MPHOSPH9: variants seen among roughly 807,000 people sequenced by gnomAD.
MPHOSPH9 encodes M-phase phosphoprotein 9.
Under a neutral mutation model 145.5 loss-of-function variants are expected in MPHOSPH9, and 88 were observed. That is an observed-to-expected ratio of 0.60 (90% CI 0.51 to 0.72). The LOEUF is 0.72. Among genes scored for constraint, MPHOSPH9 ranks in the 30% least tolerant of loss-of-function variants. The pLI is 0.00. For missense variants in MPHOSPH9, 1,238 were observed against 1,386.6 expected (o/e 0.89, Z 1.70); for synonymous variants, 435 against 486.2 (o/e 0.89, Z 1.39).
chr12:123,198,848 T>A (rs367857457), intron 11 of MPHOSPH9, among the ~76,000 whole-genome samples: 1 of 150,982 alleles, frequency 6.6e-6, no homozygotes. Context: ...TAAAATAATT[T>A]TTTTAAAAGA....
At position 123,161,269 on chromosome 12, in the gene MPHOSPH9, T is replaced by G. The variant is rs922534493; in HGVS notation, c.3248A>C (p.Lys1083Thr). 7 of 1,614,064 alleles carry G rather than the reference T, an allele frequency of 4.3e-6. No individual in the cohort carries two copies. In the Admixed American group the frequency reaches 6.7e-5, roughly 15 times the overall value. ...CTTACACTGTTCGTAGCTAACTGAT[T>G]TATTCTTCTCCCAGGCTGTTCTCAC... ...VSVRTAWEKN[K>T]SVSYEQCKPV... The change falls in exon 22 of 24, where the codon AAA (lysine) becomes ACA (threonine). Residue 1083 changes from lysine to threonine, a missense_variant. Coordinates refer to ENST00000606320, the MANE Select transcript of MPHOSPH9 (RefSeq NM_022782.4).
Position 123,156,912 on chromosome 12 carries a change from G to A in MPHOSPH9, c.3451-4C>T, listed in dbSNP as rs772938894. 2 of 1,593,876 alleles carry A rather than the reference G, an allele frequency of 1.3e-6. No individual in the cohort carries two copies. The highest frequency in any genetic ancestry group is 1.7e-6 in the Non-Finnish European group (2 of 1,165,412). On this transcript the variant is annotated splice_region_variant and splice_polypyrimidine_tract_variant and intron_variant, in intron 23 of 23. Transcript: ENST00000606320. ...CCAAACGATCTTCCAAGGCTTCCTAGGTGAAAACAATGGGAAAAGTTTAAT... is the reference window on the plus strand; with the variant it reads ...CCAAACGATCTTCCAAGGCTTCCTAAGTGAAAACAATGGGAAAAGTTTAAT...
chr12:123,204,225 C>A (rs534319148), intron 8 of MPHOSPH9, among the ~76,000 whole-genome samples: 1 of 151,784 alleles, frequency 6.6e-6, no homozygotes, highest in Admixed American at 6.6e-5. Flanking sequence ...TCGCTTGAAC[C>A]TGGAAGGCGG....
intron 13 of MPHOSPH9, among the ~76,000 whole-genome samples, chr12:123,190,281 T>C (rs967522420): frequency 6.6e-6 from 1 of 151,456 alleles, no homozygotes; most frequent in African/African-American, 2.4e-5. Context: ...GCCTCCCGAG[T>C]AGCTGGGACT....
chr12:123,203,104 G>A lies in MPHOSPH9; in HGVS notation c.1321-20C>T, dbSNP rs371038166. The A allele has an allele frequency of 4.9e-5, 78 of 1,604,110 alleles. No individual in the cohort carries two copies. In the East Asian group the frequency reaches 1.2e-3, roughly 26 times the overall value. On this transcript the variant is annotated intron_variant, in intron 9 of 23. Transcript: ENST00000606320. ...CAGGACCTGGAAACCAGACAACAACGAAGTCTTACCCTCAGAACTCGGCTT... is the reference window on the plus strand; with the variant it reads ...CAGGACCTGGAAACCAGACAACAACAAAGTCTTACCCTCAGAACTCGGCTT...
intron 8 of MPHOSPH9, among the ~76,000 whole-genome samples, chr12:123,205,439 G>A (rs914360723): frequency 7.2e-5 from 11 of 152,022 alleles, no homozygotes; most frequent in Non-Finnish European, 1.3e-4. Flanking sequence ...CCAGCTACTT[G>A]GGAGGCTGAA....
downstream of MPHOSPH9, among the ~76,000 whole-genome samples, chr12:123,154,055 T>C (rs1252014142): frequency 7.9e-5 from 12 of 152,204 alleles, no homozygotes; most frequent in Non-Finnish European, 8.8e-5. Flanking sequence ...GTTGGAAAAG[T>C]CCTTCAGTTG....
In MPHOSPH9 at chr12:123,221,850, T is replaced by C; in HGVS notation, c.394A>G (p.Ser132Gly). Residue 132 changes from serine (S) to glycine (G), a missense_variant, in exon 5 of 24, where the codon AGT becomes GGT. By Grantham distance (56) the Ser-to-Gly change is moderately conservative. Coordinates refer to ENST00000606320, the MANE Select transcript of MPHOSPH9 (RefSeq NM_022782.4). Reference sequence around the variant, plus strand: ...CCTTCACAGGAAGCTAAGGAAGCACTACTAGTCTGTAATTTGACTAAATTT... The same window carrying C: ...CCTTCACAGGAAGCTAAGGAAGCACCACTAGTCTGTAATTTGACTAAATTT... The part of the protein sequence containing the change: ...IKNLVKLQTS[S>G]ASLASCEGNS... 1 of 1,602,796 alleles carries C rather than the reference T, an allele frequency of 6.2e-7. No homozygotes were observed. Among genetic ancestry groups the C allele is most frequent in the East Asian group, 2.2e-5 (1 of 44,814 alleles).
chr12:123,152,905 G>A, downstream of MPHOSPH9: 1 of 156,386 alleles, frequency 6.4e-6, no homozygotes, highest in Non-Finnish European at 1.4e-5. Flanking sequence ...TAGCACAAGT[G>A]GCACATTGAA....
intron 2 of MPHOSPH9, chr12:123,229,966 C>T (rs1240464936): frequency 1.7e-5 from 3 of 175,702 alleles, no homozygotes; most frequent in East Asian, 1.7e-4. Flanking sequence ...GGACTACAGG[C>T]GCGTGCCACC....
At position 123,155,268 on chromosome 12, in the gene MPHOSPH9, A is replaced by G. The variant is rs1421531209; in HGVS notation, c.*1539T>C. The G allele has an allele frequency of 6.6e-6, 1 of 152,222 alleles. No homozygotes were observed. The highest frequency in any genetic ancestry group is 2.1e-4 in the South Asian group (1 of 4,836). 9.4% of individuals were successfully genotyped at this position (152,222 alleles called of 1,614,324 possible). A position where few individuals can be genotyped will look rare whatever the true frequency, so the allele number is the denominator to read the frequency against. On this transcript the variant is annotated 3_prime_UTR_variant, in exon 24 of 24. Transcript: ENST00000606320. ...AGAATAAAGGCACTTGATTCTAATT[A>G]TAAGTAATTTTGATTAGCCTGAAGT...
rs367769583 is a variant in MPHOSPH9 at position 123,165,699 on chromosome 12, C to A, written c.2592-222G>T. 4 of 460,902 alleles carry A rather than the reference C, an allele frequency of 8.7e-6. No homozygotes were observed. The East Asian group carries it at 9.9e-5, about 11-fold the overall frequency. The allele number at this position is 460,902 out of a possible 1,614,324, so 28.6% of individuals were successfully genotyped here. On this transcript the variant is annotated intron_variant, in intron 17 of 23. Transcript: ENST00000606320. ...AAAAAGGGAAAGAGGCAGGAGCGCT[C>A]TCTCTGTGCACACACACCAAGGAAA...
intron 8 of MPHOSPH9, among the ~76,000 whole-genome samples, chr12:123,206,231 T>G (rs934781272): frequency 6.7e-6 from 1 of 150,166 alleles, no homozygotes; most frequent in Non-Finnish European, 1.5e-5. Context: ...GGAGGATTGC[T>G]TGAGTCCAGG....
chr12:123,172,871 CTTTTT>C (rs1161727056), intron 16 of MPHOSPH9, among the ~76,000 whole-genome samples: 18 of 57,964 alleles, frequency 3.1e-4, no homozygotes, highest in South Asian at 9.3e-4. Flanking sequence ...TTTTCATTCA[CTTTTT>C]TTTTTTTTTT....
At chr12:123,225,200 T>C (rs1221172850) in intron 3 of MPHOSPH9, among the ~76,000 whole-genome samples, 2 of 150,658 alleles carry the variant, frequency 1.3e-5, no homozygotes, top group South Asian at 2.1e-4. Flanking sequence ...TTCTAGCAGT[T>C]TGGGAGGCCA....
intron 13 of MPHOSPH9, among the ~76,000 whole-genome samples, chr12:123,186,833 C>T (rs534464322): frequency 3.9e-5 from 6 of 152,122 alleles, no homozygotes; most frequent in African/African-American, 7.2e-5. Flanking sequence ...TGGTGGCACG[C>T]GCCTGTAACC....
At chr12:123,232,137 C>T (rs978359815) in intron 1 of MPHOSPH9, among the ~76,000 whole-genome samples, 18 of 151,662 alleles carry the variant, frequency 1.2e-4, no homozygotes. Flanking sequence ...CAACTGGCAA[C>T]AGAAATACCT....
chr12:123,218,302 T>G, intron 6 of MPHOSPH9, 74 bp downstream of exon 6: 1 of 1,553,736 alleles, frequency 6.4e-7, no homozygotes, highest in South Asian at 1.2e-5. Context: ...CACAAGAGTT[T>G]TGTTCATGAG....
chr12:123,166,667 G>T lies in MPHOSPH9; in HGVS notation c.2579C>A (p.Thr860Asn), dbSNP rs1205290271. 6.2e-7 allele frequency: 1 copy of T among 1,613,342 alleles called. No individual in the cohort carries two copies. Among genetic ancestry groups the T allele is most frequent in the Non-Finnish European group, 8.5e-7 (1 of 1,179,794 alleles). The change falls in exon 17 of 24, where the codon ACC (threonine) becomes AAC (asparagine). Residue 860 changes from threonine (T) to asparagine (N), a missense_variant. Thr to Asn is a moderately conservative substitution (Grantham distance 65). Coordinates refer to ENST00000606320, the MANE Select transcript of MPHOSPH9 (RefSeq NM_022782.4). The part of the protein sequence containing the change: ...DSNVDNQLEE[T>N]CSLGHRSPLE... ...AAAGTTATCTCACCCTAGGCTACAGGTTTCCTCCAGCTGGTTATCCACGTT... is the reference window on the plus strand; with the variant it reads ...AAAGTTATCTCACCCTAGGCTACAGTTTTCCTCCAGCTGGTTATCCACGTT...
Sources: allele counts gnomAD v4.1 joint callset (sites outside exome capture counted in the v4.1 genomes callset), GRCh38; gene constraint gnomAD v4.1.1; transcripts MANE v1.5; gene names NCBI Gene and HGNC (gene_info 2026-07-23, HGNC 2026-07-21).